Variants in SUSD6 observed in about 807,000 individuals in gnomAD.
SUSD6 encodes the protein sushi domain containing 6.
In SUSD6, 16 loss-of-function variants were observed where a neutral mutation model predicts 28.4. The ratio of observed to expected loss-of-function variants is 0.56; its 90% CI spans 0.38 to 0.86. The LOEUF is 0.86. Among genes scored for constraint, SUSD6 ranks in the 40% least tolerant of loss-of-function variants. The pLI, the probability that SUSD6 is intolerant of heterozygous loss-of-function variation, is 0.00. For missense variants in SUSD6, 341 were observed against 384.2 expected, an observed-to-expected ratio of 0.89 and a Z score of 0.94; for synonymous variants, 147 against 159.6, an observed-to-expected ratio of 0.92 and a Z score of 0.59.
At chr14:69,684,785 G>A (rs1285566083) in intron 2 of SUSD6, among the ~76,000 whole-genome samples, 1 of 152,266 alleles carries the variant, frequency 6.6e-6, no homozygotes, top group Non-Finnish European at 1.5e-5. Flanking sequence ...GCCAGGAGAT[G>A]TGGGGCCATT....
intron 2 of SUSD6, among the ~76,000 whole-genome samples, chr14:69,693,683 A>G (rs1886183986): frequency 6.6e-6 from 1 of 152,212 alleles, no homozygotes; most frequent in Non-Finnish European, 1.5e-5. Context: ...TCAAGTATGC[A>G]GTTTTGTTAG....
At position 69,692,686 on chromosome 14, in the gene SUSD6, C is replaced by G. The variant is rs370310814; in HGVS notation, c.122-10709C>G. On this transcript the variant is annotated intron_variant, in intron 2 of 5. Coordinates refer to ENST00000342745, the MANE Select transcript of SUSD6 (RefSeq NM_014734.4). The stretch of plus-strand genomic sequence containing the variant: ...GAGGCCCTGCTGTGTATGCCTGGGA[C>G]TGTACTTGGCATTAGGAGTTACCAT... Among the ~76,000 whole-genome samples, 7 of 152,278 alleles carry G rather than the reference C, an allele frequency of 4.6e-5. No individual in the cohort carries two copies. In the East Asian group the frequency reaches 1.2e-3, roughly 25 times the overall value.
chr14:69,615,137 G>T (rs1236527530), intron 1 of SUSD6, among the ~76,000 whole-genome samples: 3 of 152,212 alleles, frequency 2.0e-5, no homozygotes. Flanking sequence ...ACATTGCTTT[G>T]TTGCAGACTT....
chr14:69,704,755 G>A lies in SUSD6; in HGVS notation c.458+13G>A, dbSNP rs765780481. The A allele has an allele frequency of 6.2e-7, 1 of 1,612,408 alleles. No homozygotes were observed. Among genetic ancestry groups the A allele is most frequent in the Non-Finnish European group, 8.5e-7 (1 of 1,179,336 alleles). On this transcript the variant is annotated intron_variant, in intron 4 of 5. Transcript: ENST00000342745. ...TCCATCATAGCAGGTGAGTCCAGTG[G>A]CAGAGCTGACATGAGACAGGCAGGT...
chr14:69,632,100 A>G (rs1885202938), intron 1 of SUSD6, among the ~76,000 whole-genome samples: 2 of 152,202 alleles, frequency 1.3e-5, no homozygotes, highest in African/African-American at 4.8e-5. Context: ...TGTTTCCCCT[A>G]GTAGCTTGTT....
chr14:69,703,374 GC>G lies in SUSD6; in HGVS notation c.122-20del. The G allele has an allele frequency of 1.2e-6, 2 of 1,604,280 alleles. No individual in the cohort carries two copies. Among genetic ancestry groups the G allele is most frequent in the Non-Finnish European group, 1.7e-6 (2 of 1,172,882 alleles). On this transcript the variant is annotated intron_variant, in intron 2 of 5. Coordinates refer to ENST00000342745, the MANE Select transcript of SUSD6 (RefSeq NM_014734.4). The stretch of plus-strand genomic sequence containing the variant: ...CTGGATACCTCACCACTGTACCCCT[GC>G]TCTCTCCCTGTCTTTGCAGTGTGCC...
chr14:69,677,512 G>A lies in SUSD6; in HGVS notation c.121+18799G>A, dbSNP rs1319237170. ...CAGTGAGCCAAGATCACGCCACCGC[G>A]CTCCAGCCTGGGCCACAGAGTGAGA... On this transcript the variant is annotated intron_variant, in intron 2 of 5. Coordinates refer to ENST00000342745, the MANE Select transcript of SUSD6 (RefSeq NM_014734.4). Among the ~76,000 whole-genome samples, 4 of 150,606 alleles carry A rather than the reference G, an allele frequency of 2.7e-5. No individual in the cohort carries two copies. The East Asian group carries it at 5.9e-4, about 22-fold the overall frequency.
At chr14:69,649,626 A>T (rs1417544965) in intron 1 of SUSD6, among the ~76,000 whole-genome samples, 6 of 152,196 alleles carry the variant, frequency 3.9e-5, no homozygotes, top group Admixed American at 3.9e-4. Context: ...ACTTGGGGGC[A>T]GAGAATTGGT....
At chr14:69,648,046 C>T (rs1885453408) in intron 1 of SUSD6, among the ~76,000 whole-genome samples, 2 of 152,128 alleles carry the variant, frequency 1.3e-5, no homozygotes, top group Non-Finnish European at 2.9e-5. Context: ...TAGAGATCGT[C>T]TGGTCCAGCC....
At chr14:69,626,757 A>G (rs551128363) in intron 1 of SUSD6, among the ~76,000 whole-genome samples, 45 of 151,836 alleles carry the variant, frequency 3.0e-4, no homozygotes, top group Admixed American at 2.4e-3. Context: ...ATAGCTCACT[A>G]TAGCTTCGAA....
intron 1 of SUSD6, among the ~76,000 whole-genome samples, chr14:69,633,456 C>T (rs1164267866): frequency 1.3e-5 from 2 of 152,246 alleles, no homozygotes; most frequent in African/African-American, 4.8e-5. Flanking sequence ...GGCATTCCTG[C>T]CCCAGAAGGA....
At chr14:69,691,793 A>G (rs1157148507) in intron 2 of SUSD6, among the ~76,000 whole-genome samples, 1 of 152,086 alleles carries the variant, frequency 6.6e-6, no homozygotes, top group Non-Finnish European at 1.5e-5. Flanking sequence ...TAATCCCAGT[A>G]CTTTGGGAGG....
chr14:69,673,982 T>C (rs1451673541), intron 2 of SUSD6, among the ~76,000 whole-genome samples: 2 of 152,206 alleles, frequency 1.3e-5, no homozygotes, highest in African/African-American at 4.8e-5. Context: ...TTGTTACTTG[T>C]TTTTTATTTT....
At chr14:69,688,093 C>T in intron 2 of SUSD6, among the ~76,000 whole-genome samples, 1 of 152,180 alleles carries the variant, frequency 6.6e-6, no homozygotes, top group Non-Finnish European at 1.5e-5. Context: ...AGCCAGACTC[C>T]TCTCTGCATT....
chr14:69,633,485 C>T (rs1885223573), intron 1 of SUSD6, among the ~76,000 whole-genome samples: 1 of 152,216 alleles, frequency 6.6e-6, no homozygotes, highest in Non-Finnish European at 1.5e-5. Context: ...TCTTTACACC[C>T]TCATACTTAT....
chr14:69,654,790 G>GTGTGTGTGTGTGTGTGTGTGTGT (rs1491558166), intron 1 of SUSD6, among the ~76,000 whole-genome samples: 1 of 98,988 alleles, frequency 1.0e-5, no homozygotes, highest in African/African-American at 4.1e-5. Context: ...TTTTTTTTTT[G>GTGTGTGTGTGTGTGTGTGTGTGT]GTGTGTGTGT....
chr14:69,655,721 GC>G (rs1389408761), intron 1 of SUSD6, among the ~76,000 whole-genome samples: 3 of 151,994 alleles, frequency 2.0e-5, no homozygotes, highest in Non-Finnish European at 4.4e-5. Context: ...GATTGCTTGA[GC>G]CCAGAGGTTC....
chr14:69,694,335 A>G (rs1171020891), intron 2 of SUSD6, among the ~76,000 whole-genome samples: 3 of 152,220 alleles, frequency 2.0e-5, no homozygotes, highest in African/African-American at 4.8e-5. Context: ...CATAGTTGTG[A>G]TTAACCTTTT....
At chr14:69,703,273 C>T (rs1886337712) in intron 2 of SUSD6, 122 bp from the exon 3 acceptor site, 2 of 796,528 alleles carry the variant, frequency 2.5e-6, no homozygotes, top group South Asian at 3.5e-5. Flanking sequence ...ACAGTTCCTC[C>T]AAGGAAAGGG....
Sources: allele counts gnomAD v4.1 joint callset (sites outside exome capture counted in the v4.1 genomes callset), GRCh38; gene constraint gnomAD v4.1.1; transcripts MANE v1.5; gene names NCBI Gene and HGNC (gene_info 2026-07-23, HGNC 2026-07-21).